SUGP1: variants seen among roughly 807,000 people sequenced by gnomAD.
The protein encoded by SUGP1 is SURP and G-patch domain-containing protein 1.
In SUGP1, 34 loss-of-function variants were observed where a neutral mutation model predicts 76.5. The observed-to-expected ratio is 0.44, with a 90% CI of 0.34 to 0.59. The LOEUF (loss-of-function observed/expected upper bound fraction) is 0.59. Among genes scored for constraint, SUGP1 ranks in the 20% least tolerant of loss-of-function variants. The pLI is 0.01. For synonymous variants in SUGP1, 326 were observed against 326.2 expected (o/e 1.00, Z 0.01); for missense variants, 752 against 851.7 (o/e 0.88, Z 1.46).
intron 6 of SUGP1, 103 bp downstream of exon 6, chr19:19,303,245 C>T: frequency 1.1e-6 from 1 of 951,030 alleles, no homozygotes; most frequent in Non-Finnish European, 1.7e-6. Flanking sequence ...ACCACCGGTG[C>T]CACACAGTGC....
Position 19,318,116 on chromosome 19 carries a change from T to TTCTTTTTC in SUGP1, c.35-1524_35-1523insGAAAAAGA, listed in dbSNP as rs1323779292. Among the ~76,000 whole-genome samples the TTCTTTTTC allele has an allele frequency of 6.9e-4, 94 of 136,682 alleles. 1 individual carries two copies. Among genetic ancestry groups the TTCTTTTTC allele is most frequent in the South Asian group, 2.2e-3 (9 of 4,074 alleles). The allele number at this position is 136,682 out of a possible 152,430, so 89.7% of individuals were successfully genotyped here. On this transcript the variant is annotated intron_variant, in intron 1 of 13. Coordinates refer to ENST00000247001, the MANE Select transcript of SUGP1 (RefSeq NM_172231.4). The stretch of plus-strand genomic sequence containing the variant: ...GTGAGCCACCGAACCCAGCCTTCTT[T>TTCTTTTTC]TTTTTTTTTTTTTTTTTTGAGATGA...
At chr19:19,277,258 G>A (rs1282647949) in intron 12 of SUGP1, among the ~76,000 whole-genome samples, 182 bp from the exon 13 acceptor site, 1 of 149,954 alleles carries the variant, frequency 6.7e-6, no homozygotes, top group East Asian at 2.0e-4. Context: ...GGGCGGGGGG[G>A]GGGGGCCTAG....
chr19:19,276,118 A>T lies in SUGP1; in HGVS notation c.*530T>A, dbSNP rs1196610302. The T allele has an allele frequency of 6.3e-6, 1 of 157,760 alleles. No individual in the cohort carries two copies. Among genetic ancestry groups the T allele is most frequent in the East Asian group, 1.9e-4 (1 of 5,356 alleles). The allele number at this position is 157,760 out of a possible 1,614,324, so 9.8% of individuals were successfully genotyped here. ...TGCCCAGGCTGGAGTGCAAAGGCGC[A>T]ATCTTGGCTCACTGCAACCGCTTCC... On this transcript the variant is annotated 3_prime_UTR_variant, in exon 14 of 14. Transcript: ENST00000247001.
At position 19,279,344 on chromosome 19, in the gene SUGP1, T is replaced by C. The variant is rs199704654; in HGVS notation, c.1397A>G (p.Gln466Arg). The change falls in exon 10 of 14, where the codon CAG (glutamine) becomes CGG (arginine). Residue 466 changes from glutamine (Q) to arginine (R), a missense_variant. By Grantham distance (43) the Gln-to-Arg change is conservative. Coordinates refer to ENST00000247001, the MANE Select transcript of SUGP1 (RefSeq NM_172231.4). ...CTTCTCCCACAGCAGCTGCATGTCC[T>C]GCATGGCCCGCTTGTGCTGCATGAT... is the stretch of plus-strand genomic sequence containing the variant. The part of the protein sequence containing the change: ...DMIMQHKRAM[Q>R]DMQLLWEKAV... The C allele has an allele frequency of 1.4e-5, 22 of 1,610,500 alleles. No homozygotes were observed. Among genetic ancestry groups the C allele is most frequent in the Non-Finnish European group, 1.8e-5 (21 of 1,179,770 alleles).
chr19:19,306,866 C>T (rs548754118), intron 3 of SUGP1, among the ~76,000 whole-genome samples: 1 of 152,276 alleles, frequency 6.6e-6, no homozygotes, highest in East Asian at 1.9e-4. Flanking sequence ...TCCAGAGGAC[C>T]TACAGTGCAG....
chr19:19,276,839 GCTGGTGAGAC>G (rs2061053513), intron 13 of SUGP1, 98 bp downstream of exon 13: 4 of 1,555,962 alleles, frequency 2.6e-6, no homozygotes, highest in Middle Eastern at 1.9e-4. Flanking sequence ...TAGGGGGCTC[GCTGGTGAGAC>G]CCAGCCTGGC....
intron 8 of SUGP1, among the ~76,000 whole-genome samples, chr19:19,295,512 G>A (rs1259144969): frequency 6.7e-6 from 1 of 149,266 alleles, no homozygotes; most frequent in Non-Finnish European, 1.5e-5. Flanking sequence ...GCTGAGGCAG[G>A]AGAATCACTT....
At chr19:19,281,577 G>A (rs995471490) in intron 8 of SUGP1, 1 of 151,960 alleles carries the variant, frequency 6.6e-6, no homozygotes, top group African/African-American at 2.4e-5. Context: ...CTGGCCACCC[G>A]ACCTGGGAAG....
At chr19:19,292,944 T>C (rs920501000) in intron 8 of SUGP1, among the ~76,000 whole-genome samples, 12 of 152,090 alleles carry the variant, frequency 7.9e-5, no homozygotes, top group African/African-American at 2.9e-4. Flanking sequence ...TCTCACTCTG[T>C]TGCCCAGGCT....
chr19:19,317,413 G>T (rs2061402966), intron 1 of SUGP1, among the ~76,000 whole-genome samples: 1 of 152,136 alleles, frequency 6.6e-6, no homozygotes. Context: ...GTGTCAGAGG[G>T]GCCTGCTCCA....
chr19:19,276,990 C>T lies in SUGP1; in HGVS notation c.1868G>A (p.Arg623His), dbSNP rs1383840199. 8.7e-6 allele frequency: 14 copies of T among 1,612,946 alleles called. No individual in the cohort carries two copies. Among genetic ancestry groups the T allele is most frequent in the Non-Finnish European group, 1.1e-5 (13 of 1,180,038 alleles). Reference sequence around the variant, plus strand: ...GCGGTAGGCCAGCATCATCCTCTTGCGGAACGCCTCATACTCGTCGTCCTC... The same window carrying T: ...GCGGTAGGCCAGCATCATCCTCTTGTGGAACGCCTCATACTCGTCGTCCTC... ...SKEDDEYEAF[R>H]KRMMLAYRFR... is the part of the protein sequence containing the mutation. The change falls in exon 13 of 14, where the codon CGC becomes CAC. Residue 623 changes from arginine to histidine, a missense_variant. Around this residue, in one of 2 missense-constraint regions of SUGP1, gnomAD observed 132 missense variants for 234.4 expected, o/e 0.56. Transcript: ENST00000247001.
chr19:19,299,371 T>TC (rs966525506), intron 7 of SUGP1, among the ~76,000 whole-genome samples: 70 of 120,856 alleles, frequency 5.8e-4, no homozygotes, highest in African/African-American at 2.8e-3. Flanking sequence ...CTTTTCTTTT[T>TC]TTTCTTCCTT....
At chr19:19,297,805 G>A (rs1160958262) in intron 7 of SUGP1, among the ~76,000 whole-genome samples, 3 of 152,350 alleles carry the variant, frequency 2.0e-5, no homozygotes, top group East Asian at 3.9e-4. Context: ...ACGGACCAAG[G>A]AGCTGATTTC....
At chr19:19,302,620 A>G (rs1022952414) in intron 6 of SUGP1, among the ~76,000 whole-genome samples, 16 of 148,414 alleles carry the variant, frequency 1.1e-4, no homozygotes, top group Middle Eastern at 3.4e-3. Flanking sequence ...AGGGCCTGGG[A>G]CATGAGCCAG....
intron 1 of SUGP1, among the ~76,000 whole-genome samples, chr19:19,319,498 A>C (rs1028359998): frequency 2.6e-5 from 4 of 151,730 alleles, no homozygotes; most frequent in African/African-American, 9.7e-5. Flanking sequence ...GCACTTTAAG[A>C]GGCTGAGATG....
At chr19:19,279,856 G>A (rs1030137900) in intron 9 of SUGP1, among the ~76,000 whole-genome samples, 2 of 152,184 alleles carry the variant, frequency 1.3e-5, no homozygotes, top group African/African-American at 2.4e-5. Flanking sequence ...GAACATCAAC[G>A]TAGACTCTCC....
intron 8 of SUGP1, among the ~76,000 whole-genome samples, chr19:19,291,932 C>CACAA (rs997755156): frequency 1.4e-5 from 2 of 143,586 alleles, no homozygotes; most frequent in South Asian, 2.2e-4. Context: ...CACACACACA[C>CACAA]AAAAGGGCCA....
intron 1 of SUGP1, 62 bp downstream of exon 1, chr19:19,320,401 C>G (rs2061434970): frequency 1.3e-6 from 2 of 1,578,698 alleles, no homozygotes; most frequent in Non-Finnish European, 1.7e-6. Context: ...CCCGAGGAGT[C>G]AGGGGAGACA....
chr19:19,279,247 G>A lies in SUGP1; in HGVS notation c.1494C>T (p.His498=), dbSNP rs766929154. 5.6e-6 allele frequency: 9 copies of A among 1,610,308 alleles called. No homozygotes were observed. The highest frequency in any genetic ancestry group is 7.6e-6 in the Non-Finnish European group (9 of 1,179,722). Reference sequence around the variant, plus strand: ...TATCCATCTCCATGCGCCGCAGCTGGTGCTCCCAGGTGCCCAGCTCGCTGT... The same window carrying A: ...TATCCATCTCCATGCGCCGCAGCTGATGCTCCCAGGTGCCCAGCTCGCTGT... ...EVDSELGTWE[H]QLRRMEMDKT... Residue 498 remains histidine, a synonymous_variant, in exon 10 of 14, where the codon CAC becomes CAT. Coordinates refer to ENST00000247001, the MANE Select transcript of SUGP1 (RefSeq NM_172231.4).
Sources: gnomAD v4.1 joint callset for allele counts (sites outside exome capture counted in the v4.1 genomes callset) on GRCh38, gnomAD v4.1.1 for gene constraint, gnomAD v4.1.1 regional missense constraint, MANE v1.5 for transcripts, NCBI Gene and HGNC (gene_info 2026-07-23, HGNC 2026-07-21) for gene names.